The following DLK1 variants were observed in gnomAD, a reference collection of about 807,000 sequenced individuals.
DLK1 encodes the protein protein delta homolog 1.
Under a neutral mutation model 35.2 loss-of-function variants are expected in DLK1, and 9 were observed. The observed-to-expected ratio is 0.26, with a 90% confidence interval of 0.15 to 0.45. The LOEUF is 0.45. Among genes scored for constraint, DLK1 ranks in the 20% least tolerant of loss-of-function variants. DLK1 has a pLI of 1.00. For synonymous variants in DLK1, 231 were observed against 228.4 expected (o/e 1.01, Z -0.10); for missense variants, 522 against 528.5 (o/e 0.99, Z 0.12).
rs1595210404 is a variant in DLK1 at position 100,734,754 on chromosome 14, T to A, written c.1010T>A (p.Leu337Gln). The A allele has an allele frequency of 6.2e-7, 1 of 1,614,088 alleles. No individual in the cohort carries two copies. Among genetic ancestry groups the A allele is most frequent in the Middle Eastern group, 1.6e-4 (1 of 6,062 alleles). Residue 337 changes from leucine (L) to glutamine (Q), a missense_variant, in exon 5 of 5, where the codon CTG (leucine) becomes CAG (glutamine). By Grantham distance (113) the Leu-to-Gln change is moderately radical. Transcript: ENST00000341267. The surrounding 1 kb of genome is among the most constrained non-coding windows in gnomAD (Gnocchi z 7.4). ...AAGTGCGAGACCTGGGTGTCCAACCTGCGCTACAACCACATGCTGCGGAAG... is the reference window on the plus strand; with the variant it reads ...AAGTGCGAGACCTGGGTGTCCAACCAGCGCTACAACCACATGCTGCGGAAG... ...LNKCETWVSN[L>Q]RYNHMLRKKK...
chr14:100,736,946 C>T lies in DLK1; in HGVS notation c.*2050C>T, dbSNP rs1351916900. On this transcript the variant is annotated 3_prime_UTR_variant, in exon 5 of 5. Transcript: ENST00000341267. ...CCTATCACCCCCACCTTTCCCTTCC[C>T]ATTCTCCCCACCCTTCCCCTCCGAT... is the stretch of plus-strand genomic sequence containing the variant. The T allele has an allele frequency of 7.7e-6, 1 of 129,358 alleles. No individual in the cohort carries two copies. The highest frequency in any genetic ancestry group is 1.7e-5 in the Non-Finnish European group (1 of 60,418). 8.0% of individuals were successfully genotyped at this position (129,358 alleles called of 1,614,324 possible).
rs374335490 is a variant in DLK1 at position 100,729,047 on chromosome 14, C to T, written c.243C>T (p.Asp81=). The change falls in exon 3 of 5, where the codon GAC becomes GAT. Residue 81 remains aspartate, a synonymous_variant. Transcript: ENST00000341267. ...PGQCICTDGW[D]GELCDRDVRA... ...AGTGCATTTGCACCGACGGCTGGGACGGGGAGCTCTGTGATAGAGGTTGGC... is the reference window on the plus strand; with the variant it reads ...AGTGCATTTGCACCGACGGCTGGGATGGGGAGCTCTGTGATAGAGGTTGGC... 29 of 1,613,966 alleles carry T rather than the reference C, an allele frequency of 1.8e-5. No individual in the cohort carries two copies. In the East Asian group the frequency reaches 2.5e-4, roughly 14 times the overall value.
At position 100,736,230 on chromosome 14, in the gene DLK1, C is replaced by A. The variant is rs1451451175; in HGVS notation, c.*1334C>A. On this transcript the variant is annotated 3_prime_UTR_variant, in exon 5 of 5. Coordinates refer to ENST00000341267, the MANE Select transcript of DLK1 (RefSeq NM_003836.7). ...TTTGCAAAAATAGAAAGAAATGGGA[C>A]AGAGCTCTGTTTAGCTTTTCAGCTT... 1 of 150,414 alleles carries A rather than the reference C, an allele frequency of 6.6e-6. No individual in the cohort carries two copies. Among genetic ancestry groups the A allele is most frequent in the South Asian group, 2.1e-4 (1 of 4,790 alleles). The allele number at this position is 150,414 out of a possible 1,614,324, so 9.3% of individuals were successfully genotyped here.
intron 2 of DLK1, 160 bp downstream of exon 2, chr14:100,728,619 G>GT: frequency 4.4e-6 from 1 of 229,864 alleles, no homozygotes; most frequent in Non-Finnish European, 8.8e-6. Context: ...GGGAGATGGG[G>GT]GGGGCGGGGG....
At position 100,732,162 on chromosome 14, in the gene DLK1, A is replaced by T; in HGVS notation, c.383A>T (p.Asp128Val). 1 of 1,613,854 alleles carries T rather than the reference A, an allele frequency of 6.2e-7. No homozygotes were observed. The highest frequency in any genetic ancestry group is 8.5e-7 in the Non-Finnish European group (1 of 1,179,944). The change falls in exon 4 of 5, where the codon GAC becomes GTC. Residue 128 changes from aspartate (D) to valine (V), a missense_variant. Coordinates refer to ENST00000341267, the MANE Select transcript of DLK1 (RefSeq NM_003836.7). ...GYSGKDCQKK[D>V]GPCVINGSPC... ...TCGGGAAAGGACTGCCAGAAAAAGG[A>T]CGGGCCCTGTGTGATCAACGGGTAA...
chr14:100,733,466 C>T (rs2036531962), intron 4 of DLK1, among the ~76,000 whole-genome samples: 1 of 152,196 alleles, frequency 6.6e-6, no homozygotes, highest in African/African-American at 2.4e-5. Context: ...TATTAAACAG[C>T]CTGGTACAGA....
intron 1 of DLK1, among the ~76,000 whole-genome samples, 170 bp downstream of exon 1, chr14:100,727,305 C>T (rs1430074177): frequency 6.6e-6 from 1 of 152,336 alleles, no homozygotes; most frequent in East Asian, 1.9e-4. Flanking sequence ...GCTCGCATGC[C>T]AAGGCCCGTC....
Position 100,734,911 on chromosome 14 carries a change from G to GC in DLK1, c.*20dup, listed in dbSNP as rs1567022853. The GC allele has an allele frequency of 6.4e-7, 1 of 1,552,910 alleles. No individual in the cohort carries two copies. Among genetic ancestry groups the GC allele is most frequent in the South Asian group, 1.2e-5 (1 of 83,002 alleles). On this transcript the variant is annotated 3_prime_UTR_variant, in exon 5 of 5. Transcript: ENST00000341267. This position sits in a 1 kb window ranked among gnomAD's most constrained non-coding sequence, Gnocchi z 7.4. ...AGGAGATCTAAGCAGCGTTCCCACA[G>GC]CCCCCTCTAGATTCTTGGAGTTCCG...
At chr14:100,728,665 G>C in intron 2 of DLK1, 1 of 541,592 alleles carries the variant, frequency 1.8e-6, no homozygotes, top group South Asian at 2.3e-5. Flanking sequence ...GTTCTCAGAG[G>C]TGGGGGGGCA....
intron 1 of DLK1, 90 bp from the exon 2 acceptor site, chr14:100,728,306 A>G (rs1442767169): frequency 7.6e-6 from 11 of 1,444,846 alleles, no homozygotes; most frequent in Non-Finnish European, 1.9e-6. Context: ...GGTGCCCTCG[A>G]GGGCAGTGGT....
Position 100,734,983 on chromosome 14 carries a change from A to G in DLK1, c.*87A>G. ...TGTCCTAATCTTTGTGGTGTTCGCT[A>G]TCTCTTGTGTCAAATCTGGTGAACG... On this transcript the variant is annotated 3_prime_UTR_variant, in exon 5 of 5. Coordinates refer to ENST00000341267, the MANE Select transcript of DLK1 (RefSeq NM_003836.7). This position sits in a 1 kb window ranked among gnomAD's most constrained non-coding sequence, Gnocchi z 7.4. 13 of 1,482,384 alleles carry G rather than the reference A, an allele frequency of 8.8e-6. No individual in the cohort carries two copies. The highest frequency in any genetic ancestry group is 8.2e-5 in the South Asian group (6 of 72,906). The allele number at this position is 1,482,384 out of a possible 1,614,324, so 91.8% of individuals were successfully genotyped here. A position where few individuals can be genotyped will look rare whatever the true frequency, so the allele number is the denominator to read the frequency against.
intron 3 of DLK1, among the ~76,000 whole-genome samples, chr14:100,730,309 T>G (rs538230545): frequency 6.6e-6 from 1 of 152,200 alleles, no homozygotes; most frequent in Non-Finnish European, 1.5e-5. Context: ...GGCTTTTAGC[T>G]TGGAGCCCAT....
In DLK1 at chr14:100,736,327, G is replaced by GAATCTAC. The variant is rs1320444490; in HGVS notation, c.*1437_*1438insCAATCTA. 1 of 152,044 alleles carries GAATCTAC rather than the reference G, an allele frequency of 6.6e-6. No homozygotes were observed. The highest frequency in any genetic ancestry group is 1.5e-5 in the Non-Finnish European group (1 of 68,024). 9.4% of individuals were successfully genotyped at this position (152,044 alleles called of 1,614,324 possible). On this transcript the variant is annotated 3_prime_UTR_variant, in exon 5 of 5. Coordinates refer to ENST00000341267, the MANE Select transcript of DLK1 (RefSeq NM_003836.7). ...TTTGCTTCTTAGATTATTTGGATAAGAATCTATACTCTTAGCTTTATTGAG... is the reference window on the plus strand; with the variant it reads ...TTTGCTTCTTAGATTATTTGGATAAGAATCTACAATCTATACTCTTAGCTTTATTGAG...
At position 100,736,788 on chromosome 14, in the gene DLK1, C is replaced by A. The variant is rs1270950017; in HGVS notation, c.*1892C>A. ...AGCACGCGTCCCCAGCCCCTCCCAG[C>A]CTCACCCCAAAAACCCTGTCACCCC... On this transcript the variant is annotated 3_prime_UTR_variant, in exon 5 of 5. Transcript: ENST00000341267. The A allele has an allele frequency of 2.0e-5, 3 of 152,082 alleles. No homozygotes were observed. The highest frequency in any genetic ancestry group is 3.4e-3 in the Middle Eastern group (1 of 298). The allele number at this position is 152,082 out of a possible 1,614,324, so 9.4% of individuals were successfully genotyped here.
At position 100,727,098 on chromosome 14, in the gene DLK1, C is replaced by G; in HGVS notation, c.30C>G (p.Val10=). The G allele has an allele frequency of 6.3e-7, 1 of 1,593,624 alleles. No individual in the cohort carries two copies. Among genetic ancestry groups the G allele is most frequent in the South Asian group, 1.1e-5 (1 of 88,668 alleles). MTATEALLR[V]LLLLLAFGHS... ...CCGCGACCGAAGCCCTCCTGCGCGT[C>G]CTCTTGCTCCTGCTGGCTTTCGGCC... The change falls in exon 1 of 5, where the codon GTC becomes GTG. Residue 10 remains valine, a synonymous_variant. Coordinates refer to ENST00000341267, the MANE Select transcript of DLK1 (RefSeq NM_003836.7).
At position 100,727,151 on chromosome 14, in the gene DLK1, GC is replaced by G. The variant is rs779742772; in HGVS notation, c.67+19del. On this transcript the variant is annotated intron_variant, in intron 1 of 4. Coordinates refer to ENST00000341267, the MANE Select transcript of DLK1 (RefSeq NM_003836.7). ...AGCACCTATGGTGAGTTCCCCGGCG[GC>G]CCGGCTCGCGCCCCCTCTGGGGAAG... 5 of 1,557,190 alleles carry G rather than the reference GC, an allele frequency of 3.2e-6. No homozygotes were observed. The highest frequency in any genetic ancestry group is 3.5e-6 in the Non-Finnish European group (4 of 1,151,852).
intron 3 of DLK1, among the ~76,000 whole-genome samples, chr14:100,731,023 T>G (rs980689411): frequency 1.4e-5 from 2 of 144,076 alleles, no homozygotes; most frequent in Non-Finnish European, 3.0e-5. Flanking sequence ...GCCCTGGCTT[T>G]CTGTTTGGCA....
chr14:100,729,212 A>G (rs1048822530), intron 3 of DLK1, 146 bp downstream of exon 3: 1 of 1,433,484 alleles, frequency 7.0e-7, no homozygotes, highest in Non-Finnish European at 9.5e-7. Context: ...AGATCTGTTT[A>G]TAAATTTCCT....
At position 100,737,579 on chromosome 14, in the gene DLK1, A is replaced by C. The variant is rs1056781236; in HGVS notation, c.*2683A>C. On this transcript the variant is annotated 3_prime_UTR_variant, in exon 5 of 5. Coordinates refer to ENST00000341267, the MANE Select transcript of DLK1 (RefSeq NM_003836.7). ...TTCACCGTCCACAACCCATCTGATC[A>C]GGAAGCATTTCCAGGCACCTGCGGA... The C allele has an allele frequency of 2.0e-5, 3 of 152,376 alleles. No individual in the cohort carries two copies. The highest frequency in any genetic ancestry group is 7.2e-5 in the African/African-American group (3 of 41,458). 9.4% of individuals were successfully genotyped at this position (152,376 alleles called of 1,614,324 possible).
Sources: gnomAD v4.1 joint callset for allele counts (sites outside exome capture counted in the v4.1 genomes callset) on GRCh38, gnomAD v4.1.1 for gene constraint, Gnocchi (gnomAD v3.1) non-coding constraint, MANE v1.5 for transcripts, NCBI Gene and HGNC (gene_info 2026-07-23, HGNC 2026-07-21) for gene names.